Variants in NKX1-2 observed in about 807,000 individuals in gnomAD.
The protein encoded by NKX1-2 is NK1 homeobox 2.
Under a neutral mutation model 4.4 loss-of-function variants are expected in NKX1-2, and 1 was observed. The observed-to-expected ratio is 0.23, with a 90% CI of 0.08 to 1.08. The LOEUF is 1.08. Among genes scored for constraint, NKX1-2 ranks in the 50% least tolerant of loss-of-function variants. The probability of loss-of-function intolerance (pLI) is 0.55; values close to 1 mark genes in which losing one functional copy is unlikely to be tolerated. For synonymous variants in NKX1-2, 235 were observed against 228.0 expected (o/e 1.03, Z -0.28); for missense variants, 503 against 464.6 (o/e 1.08, Z -0.76).
rs1312609334 is a variant in NKX1-2 at position 124,445,421 on chromosome 10, C to A, written c.*2008G>T. The A allele has an allele frequency of 1.3e-5, 2 of 152,180 alleles. No homozygotes were observed. The highest frequency in any genetic ancestry group is 2.9e-5 in the Non-Finnish European group (2 of 68,050). 9.4% of individuals were successfully genotyped at this position (152,180 alleles called of 1,614,324 possible). A position where few individuals can be genotyped will look rare whatever the true frequency, so the allele number is the denominator to read the frequency against. On this transcript the variant is annotated 3_prime_UTR_variant, in exon 2 of 2. Coordinates refer to ENST00000451024, the MANE Select transcript of NKX1-2 (RefSeq NM_001146340.3). ...GGAATTACAGCACCGTGCTGGGCCA[C>A]GAACAGATCAGCCTCCCACCTCTCT...
chr10:124,447,787 T>A lies in NKX1-2; in HGVS notation c.575A>T (p.Glu192Val), dbSNP rs1451647731. The stretch of plus-strand genomic sequence containing the variant: ...GAGAGACAGCGCGAGGTTCAGGCGC[T>A]CGCACACTGACAGGTAGCGCGTGGC... The part of the protein sequence containing the change: ...FRATRYLSVC[E>V]RLNLALSLSL... The change falls in exon 2 of 2, where the codon GAG becomes GTG. Residue 192 changes from glutamate to valine, a missense_variant. By Grantham distance (121) the Glu-to-Val change is moderately radical (BLOSUM62 -2). Transcript: ENST00000451024. The A allele has an allele frequency of 6.7e-7, 1 of 1,481,792 alleles. No homozygotes were observed. The highest frequency in any genetic ancestry group is 2.3e-5 in the Admixed American group (1 of 44,382). The allele number at this position is 1,481,792 out of a possible 1,614,324, so 91.8% of individuals were successfully genotyped here. A position where few individuals can be genotyped will look rare whatever the true frequency, so the allele number is the denominator to read the frequency against.
Position 124,449,440 on chromosome 10 carries a change from C to A in NKX1-2, c.214+290G>T. ...TTAAATGCCCGATAAATGAGTAAGC[C>A]TGGCAAGACAGGCGCCAGGTAAGTT... is the stretch of plus-strand genomic sequence containing the variant. On this transcript the variant is annotated intron_variant, in intron 1 of 1. Transcript: ENST00000451024. The surrounding 1 kb of genome is among the most constrained non-coding windows in gnomAD (Gnocchi z 7.5). 1.5e-6 allele frequency: 1 copy of A among 662,878 alleles called. No individual in the cohort carries two copies. The highest frequency in any genetic ancestry group is 2.8e-6 in the Non-Finnish European group (1 of 359,760). The allele number at this position is 662,878 out of a possible 1,614,324, so 41.1% of individuals were successfully genotyped here.
chr10:124,448,098 C>T lies in NKX1-2; in HGVS notation c.264G>A (p.Glu88=). Residue 88 remains glutamate, a synonymous_variant, in exon 2 of 2, where the codon GAG becomes GAA. Transcript: ENST00000451024. This position sits in a 1 kb window ranked among gnomAD's most constrained non-coding sequence, Gnocchi z 4.1. ...AGQASPLEGS[E]AEEEEDAEDP... ...CCTCCGCATCCTCCTCCTCTTCCGCCTCGGAACCCTCCAGGGGGGACGCCT... is the reference window on the plus strand; with the variant it reads ...CCTCCGCATCCTCCTCCTCTTCCGCTTCGGAACCCTCCAGGGGGGACGCCT... 6.6e-7 allele frequency: 1 copy of T among 1,519,106 alleles called. No homozygotes were observed. The highest frequency in any genetic ancestry group is 8.8e-7 in the Non-Finnish European group (1 of 1,138,568). The allele number at this position is 1,519,106 out of a possible 1,614,324, so 94.1% of individuals were successfully genotyped here.
At position 124,449,655 on chromosome 10, in the gene NKX1-2, G is replaced by A. The variant is rs1262734880; in HGVS notation, c.214+75C>T. 2 of 1,123,278 alleles carry A rather than the reference G, an allele frequency of 1.8e-6. No individual in the cohort carries two copies. The highest frequency in any genetic ancestry group is 1.3e-6 in the Non-Finnish European group (1 of 764,180). The allele number at this position is 1,123,278 out of a possible 1,614,324, so 69.6% of individuals were successfully genotyped here. On this transcript the variant is annotated intron_variant, in intron 1 of 1. Coordinates refer to ENST00000451024, the MANE Select transcript of NKX1-2 (RefSeq NM_001146340.3). The surrounding 1 kb of genome is among the most constrained non-coding windows in gnomAD (Gnocchi z 7.5). The stretch of plus-strand genomic sequence containing the variant: ...GACGCTGTTAAGGGCCACTCACCGG[G>A]CCCGGCTGTTCCCCCATACACTCCG...
In NKX1-2 at chr10:124,449,200, G is replaced by A. The variant is rs1952273637; in HGVS notation, c.214+530C>T. ...AGTCCCAGTTAACAGTTGAGTCTGG[G>A]GAGCTTGAGCGCCTGGGGCAGCCCA... On this transcript the variant is annotated intron_variant, in intron 1 of 1. Coordinates refer to ENST00000451024, the MANE Select transcript of NKX1-2 (RefSeq NM_001146340.3). This position sits in a 1 kb window ranked among gnomAD's most constrained non-coding sequence, Gnocchi z 7.5. 2.0e-5 allele frequency among the ~76,000 whole-genome samples: 3 copies of A among 152,318 alleles called. No homozygotes were observed. In the South Asian group the frequency reaches 6.2e-4, roughly 32 times the overall value.
rs958252306 is a variant in NKX1-2, at chr10:124,446,217, A to C, written c.*1212T>G. ...AGGGAGGTAATAAAAGCAGCAGTTA[A>C]AATGCATGTCCATGTATCAGATTCC... On this transcript the variant is annotated 3_prime_UTR_variant, in exon 2 of 2. Transcript: ENST00000451024. The C allele has an allele frequency of 6.6e-6, 1 of 152,214 alleles. No individual in the cohort carries two copies. The highest frequency in any genetic ancestry group is 2.4e-5 in the African/African-American group (1 of 41,450). 9.4% of individuals were successfully genotyped at this position (152,214 alleles called of 1,614,324 possible).
Position 124,447,599 on chromosome 10 carries a change from G to C in NKX1-2, c.763C>G (p.Pro255Ala). The C allele has an allele frequency of 7.8e-7, 1 of 1,279,942 alleles. No individual in the cohort carries two copies. The allele number at this position is 1,279,942 out of a possible 1,614,324, so 79.3% of individuals were successfully genotyped here. ...GGGGSGGSPGPPGTGALHFQT... is the reference protein window; with the variant it reads ...GGGGSGGSPGAPGTGALHFQT... ...AAGTGCAGAGCGCCGGTGCCGGGAG[G>C]GCCAGGACTGCCCCCCGAGCCGCCG... Residue 255 changes from proline (P) to alanine (A), a missense_variant, in exon 2 of 2, where the codon CCT becomes GCT. By Grantham distance (27) the Pro-to-Ala change is conservative. Transcript: ENST00000451024.
At position 124,448,942 on chromosome 10, in the gene NKX1-2, G is replaced by T. The variant is rs1589736597; in HGVS notation, c.214+788C>A. Among the ~76,000 whole-genome samples the T allele has an allele frequency of 2.0e-5, 3 of 152,294 alleles. No individual in the cohort carries two copies. The highest frequency in any genetic ancestry group is 1.3e-4 in the Admixed American group (2 of 15,308). On this transcript the variant is annotated intron_variant, in intron 1 of 1. Transcript: ENST00000451024. This position sits in a 1 kb window ranked among gnomAD's most constrained non-coding sequence, Gnocchi z 4.1. ...CCAAACTTGGGGAGGGGAGCAGGGG[G>T]CTGCGCGGCATCCAGCCTCCCCCGA...
rs1026730493 is a variant in NKX1-2, at chr10:124,448,376, G to T, written c.215-229C>A. On this transcript the variant is annotated intron_variant, in intron 1 of 1. Coordinates refer to ENST00000451024, the MANE Select transcript of NKX1-2 (RefSeq NM_001146340.3). The surrounding 1 kb of genome is among the most constrained non-coding windows in gnomAD (Gnocchi z 4.1). ...TCAAGTAGGCGTCCAAGAAATGTACGCCAAATGAATGAATGACACCCCGCA... is the reference window on the plus strand; with the variant it reads ...TCAAGTAGGCGTCCAAGAAATGTACTCCAAATGAATGAATGACACCCCGCA... 1.9e-6 allele frequency: 1 copy of T among 523,892 alleles called. No individual in the cohort carries two copies. The highest frequency in any genetic ancestry group is 2.9e-6 in the Non-Finnish European group (1 of 339,290). The allele number at this position is 523,892 out of a possible 1,614,324, so 32.5% of individuals were successfully genotyped here.
Position 124,448,153 on chromosome 10 carries a change from G to T in NKX1-2, c.215-6C>A. On this transcript the variant is annotated splice_polypyrimidine_tract_variant and splice_region_variant and intron_variant, in intron 1 of 1. Coordinates refer to ENST00000451024, the MANE Select transcript of NKX1-2 (RefSeq NM_001146340.3). The surrounding 1 kb of genome is among the most constrained non-coding windows in gnomAD (Gnocchi z 4.1). Reference sequence around the variant, plus strand: ...GGCGCCTGGGCCCGCAGCATCTAGGGGAGAAGGGGTCGGTGAACAGAAGCC... The same window carrying T: ...GGCGCCTGGGCCCGCAGCATCTAGGTGAGAAGGGGTCGGTGAACAGAAGCC... 1 of 1,462,220 alleles carries T rather than the reference G, an allele frequency of 6.8e-7. No individual in the cohort carries two copies. The highest frequency in any genetic ancestry group is 1.3e-5 in the South Asian group (1 of 75,248). The allele number at this position is 1,462,220 out of a possible 1,614,324, so 90.6% of individuals were successfully genotyped here.
At position 124,448,317 on chromosome 10, in the gene NKX1-2, G is replaced by C; in HGVS notation, c.215-170C>G. On this transcript the variant is annotated intron_variant, in intron 1 of 1. Transcript: ENST00000451024. This position sits in a 1 kb window ranked among gnomAD's most constrained non-coding sequence, Gnocchi z 4.1. ...CACATCCTCGCCAGCGGGTTTAGGG[G>C]AATGGTGTCCTCTTGCCCTTTACAA... 8.9e-7 allele frequency: 1 copy of C among 1,128,258 alleles called. No homozygotes were observed. The highest frequency in any genetic ancestry group is 1.1e-6 in the Non-Finnish European group (1 of 880,182). 69.9% of individuals were successfully genotyped at this position (1,128,258 alleles called of 1,614,324 possible).
chr10:124,448,111 A>T lies in NKX1-2; in HGVS notation c.251T>A (p.Leu84Gln). ...CTCCTCTTCCGCCTCGGAACCCTCC[A>T]GGGGGGACGCCTGGCCGGCGCCTGG... ...AGPGAGQASP[L>Q]EGSEAEEEED... The change falls in exon 2 of 2, where the codon CTG becomes CAG. Residue 84 changes from leucine to glutamine, a missense_variant. By Grantham distance (113) the Leu-to-Gln change is moderately radical (BLOSUM62 -2). Transcript: ENST00000451024. This position sits in a 1 kb window ranked among gnomAD's most constrained non-coding sequence, Gnocchi z 4.1. 3.3e-6 allele frequency: 5 copies of T among 1,510,472 alleles called. No homozygotes were observed. Among genetic ancestry groups the T allele is most frequent in the Non-Finnish European group, 4.4e-6 (5 of 1,135,488 alleles). 93.6% of individuals were successfully genotyped at this position (1,510,472 alleles called of 1,614,324 possible).
chr10:124,449,830 G>A lies in NKX1-2; in HGVS notation c.114C>T (p.Ala38=), dbSNP rs369125917. The A allele has an allele frequency of 9.8e-5, 152 of 1,551,650 alleles. 1 individual carries two copies. The African/African-American group carries it at 1.7e-3, about 17-fold the overall frequency. The change falls in exon 1 of 2, where the codon GCC becomes GCT. Residue 38 remains alanine, a synonymous_variant. Coordinates refer to ENST00000451024, the MANE Select transcript of NKX1-2 (RefSeq NM_001146340.3). The surrounding 1 kb of genome is among the most constrained non-coding windows in gnomAD (Gnocchi z 7.5). ...TGGCTTCCCGGGGAGCCGGGCGCACGGCAGGGAGCGCTGCGCGGGTGAATT... is the reference window on the plus strand; with the variant it reads ...TGGCTTCCCGGGGAGCCGGGCGCACAGCAGGGAGCGCTGCGCGGGTGAATT... ...PQKFTRAALP[A]VRPAPREARK...
At position 124,445,914 on chromosome 10, in the gene NKX1-2, G is replaced by C. The variant is rs1164226916; in HGVS notation, c.*1515C>G. Reference sequence around the variant, plus strand: ...TATTTCAAGATCATAGTCATGGAATGTAATCCATAATACCAAACAGGGTGC... The same window carrying C: ...TATTTCAAGATCATAGTCATGGAATCTAATCCATAATACCAAACAGGGTGC... On this transcript the variant is annotated 3_prime_UTR_variant, in exon 2 of 2. Transcript: ENST00000451024. The C allele has an allele frequency of 6.6e-6, 1 of 152,168 alleles. No individual in the cohort carries two copies. Among genetic ancestry groups the C allele is most frequent in the Non-Finnish European group, 1.5e-5 (1 of 68,026 alleles). The allele number at this position is 152,168 out of a possible 1,614,324, so 9.4% of individuals were successfully genotyped here.
chr10:124,447,610 C>A lies in NKX1-2; in HGVS notation c.752G>T (p.Gly251Val). The change falls in exon 2 of 2, where the codon GGC becomes GTC. Residue 251 changes from glycine to valine, a missense_variant. Gly to Val is a moderately radical substitution (Grantham distance 109, BLOSUM62 -3). Coordinates refer to ENST00000451024, the MANE Select transcript of NKX1-2 (RefSeq NM_001146340.3). ...AGGGGGGGSG[G>V]SPGPPGTGAL... Reference sequence around the variant, plus strand: ...GCCGGTGCCGGGAGGGCCAGGACTGCCCCCCGAGCCGCCGCCGCCGCCGCC... The same window carrying A: ...GCCGGTGCCGGGAGGGCCAGGACTGACCCCCGAGCCGCCGCCGCCGCCGCC... The A allele has an allele frequency of 1.6e-6, 2 of 1,279,296 alleles. No individual in the cohort carries two copies. The highest frequency in any genetic ancestry group is 3.8e-5 in the South Asian group (1 of 26,146). 79.2% of individuals were successfully genotyped at this position (1,279,296 alleles called of 1,614,324 possible). A position where few individuals can be genotyped will look rare whatever the true frequency, so the allele number is the denominator to read the frequency against.
In NKX1-2 at chr10:124,447,687, G is replaced by C; in HGVS notation, c.675C>G (p.Ala225=). ...RTKWKKQNPG[A]DGAAQVGGGA... is the part of the protein sequence containing the mutation. ...CACCCCCCACCTGCGCCGCGCCGTC[G>C]GCACCCGGGTTCTGCTTCTTCCACT... The change falls in exon 2 of 2, where the codon GCC becomes GCG. Residue 225 remains alanine (A), a synonymous_variant. Transcript: ENST00000451024. The C allele has an allele frequency of 1.4e-6, 2 of 1,412,936 alleles. No homozygotes were observed. The highest frequency in any genetic ancestry group is 3.2e-5 in the South Asian group (2 of 63,328). 87.5% of individuals were successfully genotyped at this position (1,412,936 alleles called of 1,614,324 possible). A position where few individuals can be genotyped will look rare whatever the true frequency, so the allele number is the denominator to read the frequency against.
rs1358486312 is a variant in NKX1-2, at chr10:124,449,995, G to T, written c.-52C>A. ...GCGGCGCGGGGTTGGGGATGGCGCCGCTCGGGCTTGCCTTCGGCTGTGGCT... is the reference window on the plus strand; with the variant it reads ...GCGGCGCGGGGTTGGGGATGGCGCCTCTCGGGCTTGCCTTCGGCTGTGGCT... On this transcript the variant is annotated 5_prime_UTR_variant, in exon 1 of 2. Transcript: ENST00000451024. The surrounding 1 kb of genome is among the most constrained non-coding windows in gnomAD (Gnocchi z 7.5). The T allele has an allele frequency of 5.8e-6, 8 of 1,373,636 alleles. No individual in the cohort carries two copies. The highest frequency in any genetic ancestry group is 2.5e-5 in the Admixed American group (1 of 40,272). The allele number at this position is 1,373,636 out of a possible 1,614,324, so 85.1% of individuals were successfully genotyped here. A position where few individuals can be genotyped will look rare whatever the true frequency, so the allele number is the denominator to read the frequency against.
chr10:124,448,261 C>T lies in NKX1-2; in HGVS notation c.215-114G>A, dbSNP rs895339685. 2.1e-5 allele frequency: 27 copies of T among 1,315,324 alleles called. No individual in the cohort carries two copies. Among genetic ancestry groups the T allele is most frequent in the Middle Eastern group, 5.7e-4 (2 of 3,494 alleles). 81.5% of individuals were successfully genotyped at this position (1,315,324 alleles called of 1,614,324 possible). A position where few individuals can be genotyped will look rare whatever the true frequency, so the allele number is the denominator to read the frequency against. On this transcript the variant is annotated intron_variant, in intron 1 of 1. Coordinates refer to ENST00000451024, the MANE Select transcript of NKX1-2 (RefSeq NM_001146340.3). This position sits in a 1 kb window ranked among gnomAD's most constrained non-coding sequence, Gnocchi z 4.1. Reference sequence around the variant, plus strand: ...ACCCAACTCTGGGTGCTGCTCCTGTCCCCACATCGCGCTCCCCTTAGGCCG... The same window carrying T: ...ACCCAACTCTGGGTGCTGCTCCTGTTCCCACATCGCGCTCCCCTTAGGCCG...
At position 124,447,389 on chromosome 10, in the gene NKX1-2, C is replaced by G. The variant is rs1037288162; in HGVS notation, c.*40G>C. The G allele has an allele frequency of 8.2e-7, 1 of 1,218,828 alleles. No individual in the cohort carries two copies. Among genetic ancestry groups the G allele is most frequent in the Non-Finnish European group, 1.0e-6 (1 of 963,936 alleles). 75.5% of individuals were successfully genotyped at this position (1,218,828 alleles called of 1,614,324 possible). ...CGAGGGCACACGACGATGCCAATCC[C>G]TCGTGAATCCCGCGAAAGAGGGGCC... On this transcript the variant is annotated 3_prime_UTR_variant, in exon 2 of 2. Transcript: ENST00000451024.
Sources: allele counts gnomAD v4.1 joint callset (sites outside exome capture counted in the v4.1 genomes callset), GRCh38; gene constraint gnomAD v4.1.1; non-coding constraint Gnocchi (gnomAD v3.1); transcripts MANE v1.5; gene names NCBI Gene and HGNC (gene_info 2026-07-23, HGNC 2026-07-21).